The following PCDH11Y variants were observed in gnomAD, a reference collection of about 807,000 sequenced individuals.
PCDH11Y encodes the protein protocadherin-11 Y-linked.
For synonymous variants in PCDH11Y, 9 were observed against 83.6 expected (o/e 0.11, Z 4.87); for missense variants, 12 against 224.8 (o/e 0.05, Z 6.05).
chrY:5,377,720 TTATG>T (rs1306338718), intron 2 of PCDH11Y, among the ~76,000 whole-genome samples: 5 of 33,638 alleles, frequency 1.5e-4, no homozygotes, highest in Non-Finnish European at 3.0e-4. Context: ...TATTTTTATT[TTATG>T]TATGTATGTA....
At chrY:5,034,113 C>T in intron 3 of PCDH11Y, among the ~76,000 whole-genome samples, 1 of 32,496 alleles carries the variant, frequency 3.1e-5, no homozygotes, top group Non-Finnish European at 7.6e-5. Context: ...TTTGTTAGTT[C>T]GTCTCAATGC....
At chrY:5,003,172 G>T (rs2052534272) in intron 1 of PCDH11Y, among the ~76,000 whole-genome samples, 2 of 34,324 alleles carry the variant, frequency 5.8e-5, no homozygotes, top group Admixed American at 2.5e-4. Context: ...GCCCGCCGCC[G>T]GTTTTAAACC....
chrY:5,367,417 G>A (rs9786733), intron 2 of PCDH11Y, among the ~76,000 whole-genome samples: 1,624 of 13,227 alleles, frequency 0.12, no homozygotes, highest in African/African-American at 0.53. Context: ...TCGCTCTGTC[G>A]CCCAGGTGGG....
intron 3 of PCDH11Y, among the ~76,000 whole-genome samples, chrY:5,520,860 T>C: frequency 3.1e-5 from 1 of 32,705 alleles, no homozygotes; most frequent in South Asian, 7.0e-4. Context: ...TATTATGTGT[T>C]TTTCTTCTCT....
intron 2 of PCDH11Y, among the ~76,000 whole-genome samples, chrY:5,421,189 A>C: frequency 3.2e-5 from 1 of 31,695 alleles, no homozygotes; most frequent in Non-Finnish European, 7.7e-5. Context: ...GCAGTGAGCC[A>C]AGATCGTGCC....
At chrY:5,512,870 C>A in intron 3 of PCDH11Y, among the ~76,000 whole-genome samples, 1 of 32,935 alleles carries the variant, frequency 3.0e-5, no homozygotes, top group Non-Finnish European at 7.4e-5. Flanking sequence ...TGAGATAATT[C>A]TCATAGTAAA....
At chrY:5,504,770 T>C (rs2053357480) in intron 3 of PCDH11Y, among the ~76,000 whole-genome samples, 1 of 32,984 alleles carries the variant, frequency 3.0e-5, no homozygotes, top group African/African-American at 1.2e-4. Context: ...GAGATCCTCT[T>C]GGGACTACTG....
rs72617654 is a variant in PCDH11Y at position 5,398,935 on chromosome Y, A to G, written c.3130-102122A>G. 0.031 allele frequency among the ~76,000 whole-genome samples: 1,043 copies of G among 33,704 alleles called. No homozygotes were observed. The East Asian group carries it at 0.79, about 26-fold the overall frequency. 90.4% of individuals were successfully genotyped at this position (33,704 alleles called of 37,273 possible). A position where few individuals can be genotyped will look rare whatever the true frequency, so the allele number is the denominator to read the frequency against. On this transcript the variant is annotated intron_variant, in intron 2 of 4. Coordinates refer to the PCDH11Y transcript ENST00000400457. ...AAGGAAGCTAAAATTGTGTACAAAA[A>G]TATTTCTACTGCCTACAAATCACAG...
chrY:5,433,979 A>T, intron 2 of PCDH11Y, among the ~76,000 whole-genome samples: 1 of 33,442 alleles, frequency 3.0e-5, no homozygotes, highest in Admixed American at 2.8e-4. Flanking sequence ...AATAATACTG[A>T]TAAGTAGATC....
intron 2 of PCDH11Y, among the ~76,000 whole-genome samples, chrY:5,240,117 A>G: frequency 1.5e-4 from 5 of 34,053 alleles, no homozygotes; most frequent in Non-Finnish European, 2.9e-4. Context: ...CATCTTCACC[A>G]GAAGTAGATT....
intron 2 of PCDH11Y, among the ~76,000 whole-genome samples, chrY:5,459,770 C>G: frequency 3.0e-5 from 1 of 33,081 alleles, no homozygotes; most frequent in African/African-American, 1.2e-4. Flanking sequence ...GAAGAAATCT[C>G]AAAACAATTG....
intron 2 of PCDH11Y, among the ~76,000 whole-genome samples, chrY:5,136,518 A>T: frequency 3.0e-5 from 1 of 33,259 alleles, no homozygotes; most frequent in Non-Finnish European, 7.4e-5. Flanking sequence ...AAGGTAGATT[A>T]TTAAGCTACT....
At chrY:5,154,012 C>T in intron 2 of PCDH11Y, among the ~76,000 whole-genome samples, 1 of 24,829 alleles carries the variant, frequency 4.0e-5, no homozygotes, top group East Asian at 1.0e-3. Context: ...TATATATACA[C>T]GTATATATAT....
intron 3 of PCDH11Y, among the ~76,000 whole-genome samples, chrY:5,576,305 T>C: frequency 3.2e-5 from 1 of 31,543 alleles, no homozygotes; most frequent in South Asian, 7.1e-4. Flanking sequence ...AAAAGATTCT[T>C]TAAAAAAAGA....
chrY:5,386,048 G>C, intron 2 of PCDH11Y, among the ~76,000 whole-genome samples: 6 of 33,070 alleles, frequency 1.8e-4, no homozygotes, highest in African/African-American at 3.6e-4. Flanking sequence ...GTGCTGGCTT[G>C]GTAGTGGCAA....
At chrY:5,328,932 G>A in intron 2 of PCDH11Y, among the ~76,000 whole-genome samples, 2 of 31,617 alleles carry the variant, frequency 6.3e-5, no homozygotes, top group Admixed American at 5.9e-4. Context: ...AGGAAGATTT[G>A]GGAGGAGTTG....
intron 1 of PCDH11Y, among the ~76,000 whole-genome samples, chrY:5,015,274 A>G: frequency 3.0e-5 from 1 of 33,468 alleles, no homozygotes; most frequent in Non-Finnish European, 7.4e-5. Context: ...GAATTGAGCT[A>G]CTAGTCCAGA....
chrY:5,582,843 A>G, intron 4 of PCDH11Y, among the ~76,000 whole-genome samples: 1 of 32,921 alleles, frequency 3.0e-5, no homozygotes, highest in African/African-American at 1.2e-4. Flanking sequence ...TCTAATGTCC[A>G]TGATACATTT....
At chrY:5,151,689 A>G in intron 2 of PCDH11Y, among the ~76,000 whole-genome samples, 1 of 30,469 alleles carries the variant, frequency 3.3e-5, no homozygotes, top group African/African-American at 1.3e-4. Flanking sequence ...CTCACTATGT[A>G]TATAAAAAAG....
Sources: allele counts gnomAD v4.1 joint callset (sites outside exome capture counted in the v4.1 genomes callset), GRCh38; gene constraint gnomAD v4.1.1; transcripts MANE v1.5; gene names NCBI Gene and HGNC (gene_info 2026-07-23, HGNC 2026-07-21).